The following NAALAD2 variants were observed in gnomAD, a reference collection of about 807,000 sequenced individuals.
NAALAD2 encodes N-acetylated alpha-linked acidic dipeptidase 2.
A neutral mutation model predicts 95.6 loss-of-function variants in NAALAD2; 89 were observed. The observed-to-expected ratio is 0.93, with a 90% CI of 0.78 to 1.11. The LOEUF (loss-of-function observed/expected upper bound fraction) is 1.11, where lower values mean the gene tolerates loss of function less well. NAALAD2 is among the 50% of genes least tolerant of loss of function. The pLI, the probability that NAALAD2 is intolerant of heterozygous loss-of-function variation, is 0.00. For synonymous variants in NAALAD2, 264 were observed against 294.4 expected (o/e 0.90, Z 1.06); for missense variants, 894 against 872.4 (o/e 1.02, Z -0.31).
chr11:90,142,407 C>T (rs1299076586), intron 2 of NAALAD2, among the ~76,000 whole-genome samples: 1 of 152,020 alleles, frequency 6.6e-6, no homozygotes, highest in Non-Finnish European at 1.5e-5. Flanking sequence ...ATGAAATGTG[C>T]TTAGTTATCT....
chr11:90,188,286 T>A (rs2134999332), intron 18 of NAALAD2, among the ~76,000 whole-genome samples: 1 of 152,302 alleles, frequency 6.6e-6, no homozygotes, highest in South Asian at 2.1e-4. Flanking sequence ...AATGAATAAA[T>A]CAGAAAACAT....
chr11:90,177,430 G>T (rs1591018513), intron 15 of NAALAD2, among the ~76,000 whole-genome samples: 2 of 151,540 alleles, frequency 1.3e-5, no homozygotes, highest in East Asian at 1.9e-4. Flanking sequence ...TGTTCAAGGT[G>T]TAGCATCTTG....
chr11:90,175,033 C>T (rs1239617011), intron 14 of NAALAD2, among the ~76,000 whole-genome samples: 2 of 151,900 alleles, frequency 1.3e-5, no homozygotes, highest in Non-Finnish European at 2.9e-5. Flanking sequence ...AGACTTGGGC[C>T]CCATCCCCAA....
intron 14 of NAALAD2, among the ~76,000 whole-genome samples, chr11:90,174,549 GATA>G (rs1417889385): frequency 3.9e-5 from 6 of 151,952 alleles, no homozygotes; most frequent in African/African-American, 1.5e-4. Flanking sequence ...AACTTCAGAT[GATA>G]ATGATGAAAA....
In NAALAD2 at chr11:90,138,688, T is replaced by C. The variant is rs556534845; in HGVS notation, c.194+3018T>C. ...CTGGTGTCTACTAACTTTTGAATTTTTCCAAGATTACTATCATGAAACCCT... is the reference window on the plus strand; with the variant it reads ...CTGGTGTCTACTAACTTTTGAATTTCTCCAAGATTACTATCATGAAACCCT... On this transcript the variant is annotated intron_variant, in intron 2 of 18. Transcript: ENST00000534061. Among the ~76,000 whole-genome samples the C allele has an allele frequency of 4.0e-5, 6 of 150,604 alleles. No individual in the cohort carries two copies. The South Asian group carries it at 1.3e-3, about 32-fold the overall frequency.
intron 2 of NAALAD2, among the ~76,000 whole-genome samples, chr11:90,139,685 T>C (rs1951554125): frequency 6.6e-6 from 1 of 152,300 alleles, no homozygotes; most frequent in Middle Eastern, 3.4e-3. Context: ...AGAATGACTT[T>C]GCTTTTTCTC....
intron 5 of NAALAD2, among the ~76,000 whole-genome samples, chr11:90,151,903 TTTAAAA>T (rs1951897436): frequency 6.6e-6 from 1 of 152,128 alleles, no homozygotes; most frequent in Non-Finnish European, 1.5e-5. Context: ...AGGGCAGTAG[TTTAAAA>T]TTAAGAACAC....
chr11:90,155,504 T>TAA (rs2134887622), intron 6 of NAALAD2, among the ~76,000 whole-genome samples: 1 of 115,324 alleles, frequency 8.7e-6, no homozygotes, highest in Non-Finnish European at 1.6e-5. Context: ...ATATTATATA[T>TAA]AATTATATAT....
intron 5 of NAALAD2, among the ~76,000 whole-genome samples, chr11:90,151,116 C>G (rs1951877712): frequency 6.6e-6 from 1 of 151,944 alleles, no homozygotes; most frequent in Non-Finnish European, 1.5e-5. Flanking sequence ...AGTATAGAAC[C>G]CTAGATCCAT....
Position 90,163,017 on chromosome 11 carries a change from G to A in NAALAD2, c.1058G>A (p.Arg353Lys), listed in dbSNP as rs1188431172. ...TRIYNVVGTI[R>K]GSVEPDRYVI... ...ATTTACAATGTAGTTGGAACTATCA[G>A]AGGATCTGTGGAACCTGGTGAGTCA... is the stretch of plus-strand genomic sequence containing the variant. The change falls in exon 9 of 19, where the codon AGA becomes AAA. Residue 353 changes from arginine (R) to lysine (K), a missense_variant. Coordinates refer to ENST00000534061, the MANE Select transcript of NAALAD2 (RefSeq NM_005467.4). 5.1e-6 allele frequency: 8 copies of A among 1,571,470 alleles called. No individual in the cohort carries two copies. Among genetic ancestry groups the A allele is most frequent in the Non-Finnish European group, 6.9e-6 (8 of 1,154,804 alleles).
At chr11:90,154,886 TA>T (rs1951999260) in intron 6 of NAALAD2, among the ~76,000 whole-genome samples, 1 of 114,554 alleles carries the variant, frequency 8.7e-6, no homozygotes, top group Non-Finnish European at 1.8e-5. Context: ...ATACATAATA[TA>T]TGTATATATT....
chr11:90,133,320 C>T (rs1590945631), upstream of NAALAD2, among the ~76,000 whole-genome samples: 1 of 152,156 alleles, frequency 6.6e-6, no homozygotes, highest in African/African-American at 2.4e-5. Context: ...TGGATGAAGG[C>T]TATTTACAAT....
intron 6 of NAALAD2, among the ~76,000 whole-genome samples, chr11:90,155,375 A>G (rs1404681459): frequency 1.2e-5 from 1 of 85,754 alleles, no homozygotes; most frequent in Non-Finnish European, 2.0e-5. Context: ...ATGTAATATT[A>G]CATATTATAC....
At chr11:90,180,234 G>A (rs1287315921) in intron 16 of NAALAD2, among the ~76,000 whole-genome samples, 1 of 152,046 alleles carries the variant, frequency 6.6e-6, no homozygotes, top group Admixed American at 6.6e-5. Context: ...CCCAGGACAC[G>A]TTTCAGTTAT....
At chr11:90,137,754 T>G (rs1464552324) in intron 2 of NAALAD2, among the ~76,000 whole-genome samples, 2 of 152,034 alleles carry the variant, frequency 1.3e-5, no homozygotes, top group East Asian at 3.9e-4. Context: ...CAGACATGCA[T>G]CACCACACCC....
At chr11:90,188,205 C>A (rs1015624459) in intron 18 of NAALAD2, among the ~76,000 whole-genome samples, 2 of 152,100 alleles carry the variant, frequency 1.3e-5, no homozygotes, top group African/African-American at 4.8e-5. Context: ...ACAGAGAAAC[C>A]TTTAGGCTGA....
At chr11:90,188,102 G>T (rs1388855846) in intron 18 of NAALAD2, among the ~76,000 whole-genome samples, 2 of 152,144 alleles carry the variant, frequency 1.3e-5, no homozygotes, top group Non-Finnish European at 2.9e-5. Flanking sequence ...TGAACAGTTT[G>T]AACTGACCCC....
intron 8 of NAALAD2, among the ~76,000 whole-genome samples, chr11:90,159,974 A>C (rs1328351623): frequency 1.3e-5 from 2 of 150,620 alleles, no homozygotes; most frequent in South Asian, 2.1e-4. Context: ...AAAAAAAAAA[A>C]AACTAGGTGA....
intron 8 of NAALAD2, among the ~76,000 whole-genome samples, chr11:90,161,643 G>A (rs953494299): frequency 6.6e-6 from 1 of 152,142 alleles, no homozygotes; most frequent in African/African-American, 2.4e-5. Context: ...CGAGAAAGAC[G>A]TAGGTTTAAA....
Sources: allele counts gnomAD v4.1 joint callset (sites outside exome capture counted in the v4.1 genomes callset), GRCh38; gene constraint gnomAD v4.1.1; transcripts MANE v1.5; gene names NCBI Gene and HGNC (gene_info 2026-07-23, HGNC 2026-07-21).